The following MYO5A variants were observed in gnomAD, a reference collection of about 807,000 sequenced individuals.
MYO5A encodes unconventional myosin-Va.
Under a neutral mutation model 249.7 loss-of-function variants are expected in MYO5A, and 98 were observed. The observed-to-expected ratio is 0.39, with a 90% CI of 0.33 to 0.46. The LOEUF (loss-of-function observed/expected upper bound fraction) is 0.46, where lower values mean the gene tolerates loss of function less well. MYO5A is among the 20% of genes least tolerant of loss of function. The probability of loss-of-function intolerance (pLI) is 0.98; values close to 1 mark genes in which losing one functional copy is unlikely to be tolerated. For synonymous variants in MYO5A, 778 were observed against 810.6 expected (o/e 0.96, Z 0.68); for missense variants, 1,696 against 2,308.8 (o/e 0.73, Z 5.44).
rs1459332563 is a variant in MYO5A, at chr15:52,323,449, AAG to A, written c.4711-7_4711-6del. ...TTCAAAATCATCACCTCTTTTCTGA[AAG>A]AGAGAATAAGTCTAAACTTGCCTTT... On this transcript the variant is annotated splice_region_variant and splice_polypyrimidine_tract_variant and intron_variant, in intron 36 of 41. Transcript: ENST00000399233. 1 of 1,608,090 alleles carries A rather than the reference AAG, an allele frequency of 6.2e-7. No individual in the cohort carries two copies. Among genetic ancestry groups the A allele is most frequent in the Admixed American group, 1.7e-5 (1 of 59,990 alleles).
At chr15:52,518,264 CAAAAAAA>C (rs36190580) in intron 1 of MYO5A, among the ~76,000 whole-genome samples, 52 of 107,774 alleles carry the variant, frequency 4.8e-4, no homozygotes, top group Admixed American at 1.0e-3. Context: ...ACCCCTCCCA[CAAAAAAA>C]AAAAAAAAAA....
chr15:52,375,232 G>T, intron 20 of MYO5A, 72 bp downstream of exon 20: 1 of 1,486,854 alleles, frequency 6.7e-7, no homozygotes, highest in Non-Finnish European at 9.4e-7. Flanking sequence ...AGCCCCTGTG[G>T]TACTCTGTAT....
chr15:52,433,347 A>T, intron 1 of MYO5A, 62 bp from the exon 2 acceptor site: 1 of 872,898 alleles, frequency 1.1e-6, no homozygotes, highest in South Asian at 1.4e-5. Context: ...TCATATATAA[A>T]CATATGATAA....
intron 1 of MYO5A, among the ~76,000 whole-genome samples, chr15:52,434,588 T>C (rs2075621143): frequency 6.6e-6 from 1 of 152,074 alleles, no homozygotes; most frequent in African/African-American, 2.4e-5. Flanking sequence ...GCAGCAAATA[T>C]TTTGCCTCAA....
At chr15:52,431,525 T>C (rs1269980376) in intron 2 of MYO5A, among the ~76,000 whole-genome samples, 1 of 152,062 alleles carries the variant, frequency 6.6e-6, no homozygotes, top group Non-Finnish European at 1.5e-5. Flanking sequence ...TAGCTCTCTA[T>C]GCTAAGAGGG....
At chr15:52,434,056 G>A (rs2075606284) in intron 1 of MYO5A, among the ~76,000 whole-genome samples, 1 of 147,550 alleles carries the variant, frequency 6.8e-6, no homozygotes, top group Non-Finnish European at 1.5e-5. Flanking sequence ...CTGGAGTGCA[G>A]TGGCACGATT....
chr15:52,388,943 A>T (rs2042089174), intron 13 of MYO5A, among the ~76,000 whole-genome samples: 1 of 152,166 alleles, frequency 6.6e-6, no homozygotes, highest in Non-Finnish European at 1.5e-5. Flanking sequence ...GACAGACTAT[A>T]AATAATCTCA....
chr15:52,373,120 A>C (rs3764230), intron 20 of MYO5A, among the ~76,000 whole-genome samples: 14,802 of 152,162 alleles, frequency 0.097, 2,235 homozygotes, highest in African/African-American at 0.33. Flanking sequence ...GTAAAAGTAA[A>C]AAGATGTGAA....
chr15:52,389,407 T>G (rs768394418), intron 12 of MYO5A, 44 bp from the exon 13 acceptor site: 2 of 1,580,572 alleles, frequency 1.3e-6, no homozygotes, highest in Non-Finnish European at 1.7e-6. Flanking sequence ...AGGTAAATAC[T>G]GTGATTCCTC....
intron 40 of MYO5A, among the ~76,000 whole-genome samples, chr15:52,314,701 T>A (rs1422796139): frequency 1.5e-5 from 2 of 129,358 alleles, no homozygotes; most frequent in Non-Finnish European, 3.0e-5. Flanking sequence ...TTATAAAAGA[T>A]CATAAATAAC....
chr15:52,446,864 C>A (rs1261194764), intron 1 of MYO5A, among the ~76,000 whole-genome samples: 2 of 152,270 alleles, frequency 1.3e-5, no homozygotes, highest in East Asian at 1.9e-4. Context: ...TTTCTTTTGG[C>A]CAATTTCTCC....
chr15:52,510,526 G>C (rs1189146525), intron 1 of MYO5A, among the ~76,000 whole-genome samples: 1 of 152,204 alleles, frequency 6.6e-6, no homozygotes, highest in Admixed American at 6.5e-5. Flanking sequence ...CTCACAGCAG[G>C]AGGTGAGTGG....
chr15:52,383,215 A>G, intron 15 of MYO5A, 27 bp from the exon 16 acceptor site: 1 of 1,552,162 alleles, frequency 6.4e-7, no homozygotes. Context: ...AGAAGAGGGT[A>G]TCAAGGCTTT....
chr15:52,357,452 C>CAAAAAAAAA (rs35645503), intron 25 of MYO5A, among the ~76,000 whole-genome samples: 13 of 93,706 alleles, frequency 1.4e-4, no homozygotes, highest in East Asian at 4.6e-4. Flanking sequence ...CTAGAACTAG[C>CAAAAAAAAA]AAAAAAAAAA....
intron 18 of MYO5A, 21 bp downstream of exon 18, chr15:52,379,604 G>C: frequency 6.2e-7 from 1 of 1,603,828 alleles, no homozygotes; most frequent in Non-Finnish European, 8.5e-7. Flanking sequence ...CTCAGATGAC[G>C]GTAAGCGAAA....
In MYO5A at chr15:52,528,845, G is replaced by A; in HGVS notation, c.-39C>T. 1 of 1,458,128 alleles carries A rather than the reference G, an allele frequency of 6.9e-7. No individual in the cohort carries two copies. The highest frequency in any genetic ancestry group is 9.0e-7 in the Non-Finnish European group (1 of 1,108,968). 90.3% of individuals were successfully genotyped at this position (1,458,128 alleles called of 1,614,324 possible). ...CGCCTACGCCCCCCGCCTGTGCGGA[G>A]GCCGCACCTCGCCTGGGCGGCCGCC... On this transcript the variant is annotated 5_prime_UTR_variant, in exon 1 of 42. Transcript: ENST00000399233.
intron 30 of MYO5A, 40 bp from the exon 31 acceptor site, chr15:52,343,237 A>C (rs1175356559): frequency 6.5e-7 from 1 of 1,528,184 alleles, no homozygotes; most frequent in South Asian, 1.1e-5. Flanking sequence ...ACACAAAAGG[A>C]TACAGGATGC....
intron 1 of MYO5A, among the ~76,000 whole-genome samples, chr15:52,458,521 G>A (rs1013307780): frequency 6.6e-6 from 1 of 152,104 alleles, no homozygotes; most frequent in Non-Finnish European, 1.5e-5. Flanking sequence ...TAGAGAGGCT[G>A]AGGTGAGAGG....
intron 26 of MYO5A, 69 bp from the exon 27 acceptor site, chr15:52,353,727 C>T (rs535347025): frequency 3.8e-6 from 6 of 1,589,526 alleles, no homozygotes; most frequent in African/African-American, 2.7e-5. Flanking sequence ...ACTTGCTCTA[C>T]CGAAAACAGT....
Sources: allele counts gnomAD v4.1 joint callset (sites outside exome capture counted in the v4.1 genomes callset), GRCh38; gene constraint gnomAD v4.1.1; transcripts MANE v1.5; gene names NCBI Gene and HGNC (gene_info 2026-07-23, HGNC 2026-07-21).